The following ITPR2 variants were observed in gnomAD, a reference collection of about 807,000 sequenced individuals.
ITPR2 encodes the protein inositol 1,4,5-trisphosphate receptor type 2, also known as inositol 1,4,5-trisphosphate-gated calcium channel ITPR2.
A neutral mutation model predicts 317.1 loss-of-function variants in ITPR2; 207 were observed. The ratio of observed to expected loss-of-function variants is 0.65; its 90% confidence interval spans 0.58 to 0.73. The LOEUF (loss-of-function observed/expected upper bound fraction) is 0.73. ITPR2 is among the 30% of genes least tolerant of loss of function. ITPR2 has a pLI of 0.00. For synonymous variants in ITPR2, 1,156 were observed against 1,149.1 expected (o/e 1.01, Z -0.12); for missense variants, 2,613 against 3,284.0 (o/e 0.80, Z 4.99).
At chr12:26,540,055 A>G (rs1944215440) in intron 37 of ITPR2, among the ~76,000 whole-genome samples, 1 of 152,132 alleles carries the variant, frequency 6.6e-6, no homozygotes, top group South Asian at 2.1e-4. Context: ...CAAATAGTAT[A>G]CCATTTTGTG....
chr12:26,470,625 A>G (rs1565544887), intron 45 of ITPR2, among the ~76,000 whole-genome samples: 1 of 152,230 alleles, frequency 6.6e-6, no homozygotes, highest in Non-Finnish European at 1.5e-5. Flanking sequence ...ATCATATGTT[A>G]ATTCACTCAG....
intron 34 of ITPR2, among the ~76,000 whole-genome samples, chr12:26,578,383 T>C (rs1945322776): frequency 1.3e-5 from 2 of 152,188 alleles, no homozygotes; most frequent in Non-Finnish European, 2.9e-5. Context: ...TATGAAGGTA[T>C]TAGCAAGTCA....
chr12:26,485,125 T>C (rs1236327657), intron 41 of ITPR2, among the ~76,000 whole-genome samples: 1 of 152,174 alleles, frequency 6.6e-6, no homozygotes, highest in Non-Finnish European at 1.5e-5. Flanking sequence ...CAATATTCAG[T>C]CAAGTTCTCT....
intron 55 of ITPR2, among the ~76,000 whole-genome samples, chr12:26,371,020 A>T (rs150189437): frequency 3.0e-4 from 45 of 152,248 alleles, no homozygotes; most frequent in African/African-American, 1.1e-3. Context: ...CTTCAATTTC[A>T]TTCTGTTTTC....
chr12:26,564,549 T>A (rs899120423), intron 34 of ITPR2, among the ~76,000 whole-genome samples: 2 of 152,186 alleles, frequency 1.3e-5, no homozygotes, highest in African/African-American at 4.8e-5. Context: ...TTTGCAGATG[T>A]AATCACGTTA....
intron 2 of ITPR2, among the ~76,000 whole-genome samples, chr12:26,764,089 C>A (rs1051626516): frequency 2.6e-5 from 4 of 151,974 alleles, no homozygotes; most frequent in African/African-American, 9.7e-5. Context: ...GGAACAAAGG[C>A]AATAAAATTA....
intron 1 of ITPR2, among the ~76,000 whole-genome samples, chr12:26,793,116 T>A (rs1411590147): frequency 6.6e-6 from 1 of 152,214 alleles, no homozygotes; most frequent in Non-Finnish European, 1.5e-5. Flanking sequence ...TGTGTACCAC[T>A]GATAAGCCAG....
chr12:26,787,067 G>A (rs1358586843), intron 2 of ITPR2, among the ~76,000 whole-genome samples: 11 of 152,184 alleles, frequency 7.2e-5, no homozygotes, highest in Non-Finnish European at 7.3e-5. Context: ...TAAGGCAAGA[G>A]CCGTAAAGAC....
chr12:26,427,619 A>G (rs931895464), intron 49 of ITPR2, among the ~76,000 whole-genome samples: 6 of 152,130 alleles, frequency 3.9e-5, no homozygotes, highest in Admixed American at 3.3e-4. Flanking sequence ...ATTTTTGTCA[A>G]TAGCTGTGGG....
At chr12:26,392,658 T>A (rs1273739088) in intron 54 of ITPR2, among the ~76,000 whole-genome samples, 2 of 152,230 alleles carry the variant, frequency 1.3e-5, no homozygotes, top group African/African-American at 4.8e-5. Context: ...CATTTTGGAA[T>A]GAAAACTTGA....
chr12:26,584,825 A>G (rs1472975125), intron 32 of ITPR2, among the ~76,000 whole-genome samples: 4 of 152,254 alleles, frequency 2.6e-5, no homozygotes, highest in Non-Finnish European at 4.4e-5. Flanking sequence ...ACTTTTGATC[A>G]TAAGGAATAC....
chr12:26,538,212 T>C (rs191671466), intron 37 of ITPR2, among the ~76,000 whole-genome samples: 6 of 152,360 alleles, frequency 3.9e-5, no homozygotes, highest in Non-Finnish European at 4.4e-5. Context: ...CTTTCTGTGC[T>C]ACAGGTCTTC....
chr12:26,411,546 G>T, intron 51 of ITPR2, 134 bp from the exon 52 acceptor site: 1 of 623,850 alleles, frequency 1.6e-6, no homozygotes. Flanking sequence ...GTCCTAGGAA[G>T]TTAGTATGGA....
chr12:26,828,649 T>G (rs1283555656), intron 1 of ITPR2, among the ~76,000 whole-genome samples: 1 of 152,210 alleles, frequency 6.6e-6, no homozygotes, highest in Non-Finnish European at 1.5e-5. Context: ...TCTCAATAGC[T>G]GAAACTTTTT....
intron 55 of ITPR2, among the ~76,000 whole-genome samples, chr12:26,379,475 T>C (rs983182975): frequency 6.6e-6 from 1 of 152,162 alleles, no homozygotes; most frequent in Non-Finnish European, 1.5e-5. Flanking sequence ...ATAGCAGCTC[T>C]GCAAAAAAAG....
chr12:26,741,636 G>T (rs1949230349), intron 2 of ITPR2, among the ~76,000 whole-genome samples: 1 of 152,226 alleles, frequency 6.6e-6, no homozygotes, highest in Non-Finnish European at 1.5e-5. Flanking sequence ...ATTCATGGAG[G>T]TCGACAAATC....
chr12:26,648,208 T>C (rs1184272904), intron 21 of ITPR2, among the ~76,000 whole-genome samples: 1 of 152,228 alleles, frequency 6.6e-6, no homozygotes, highest in African/African-American at 2.4e-5. Flanking sequence ...ATGCTGTGCG[T>C]GCACATCCTA....
intron 37 of ITPR2, among the ~76,000 whole-genome samples, chr12:26,548,553 T>G (rs1944444307): frequency 1.3e-5 from 2 of 152,194 alleles, no homozygotes; most frequent in African/African-American, 4.8e-5. Flanking sequence ...CCAGGCACAA[T>G]AATCACCATT....
chr12:26,778,267 G>A (rs1331356582), intron 2 of ITPR2, among the ~76,000 whole-genome samples: 3 of 152,142 alleles, frequency 2.0e-5, no homozygotes, highest in Non-Finnish European at 4.4e-5. Flanking sequence ...AACCCTGGAG[G>A]GATTGCGGAG....
Sources: gnomAD v4.1 joint callset for allele counts (sites outside exome capture counted in the v4.1 genomes callset) on GRCh38, gnomAD v4.1.1 for gene constraint, MANE v1.5 for transcripts, NCBI Gene and HGNC (gene_info 2026-07-23, HGNC 2026-07-21) for gene names.